The following CDH18 variants were observed in gnomAD, a reference collection of about 807,000 sequenced individuals.
CDH18 encodes cadherin 18.
In CDH18, 31 loss-of-function variants were observed where a neutral mutation model predicts 67.9. The observed-to-expected ratio is 0.46, with a 90% CI of 0.34 to 0.62. The LOEUF is 0.62. CDH18 is among the 20% of genes least tolerant of loss of function. The probability of loss-of-function intolerance (pLI) is 0.01; values close to 1 mark genes in which losing one functional copy is unlikely to be tolerated. For synonymous variants in CDH18, 362 were observed against 347.2 expected (o/e 1.04, Z -0.48); for missense variants, 890 against 975.5 (o/e 0.91, Z 1.17).
chr5:20,063,710 C>T (rs1239661603), intron 2 of CDH18, among the ~76,000 whole-genome samples: 1 of 152,156 alleles, frequency 6.6e-6, no homozygotes, highest in African/African-American at 2.4e-5. Flanking sequence ...AGGCCATACA[C>T]TAAACAAGAC....
chr5:19,606,612 T>TA (rs1210762253), intron 6 of CDH18, among the ~76,000 whole-genome samples: 1 of 151,838 alleles, frequency 6.6e-6, no homozygotes, highest in Non-Finnish European at 1.5e-5. Context: ...TAGGTTAATA[T>TA]AAAATATCCA....
intron 3 of CDH18, among the ~76,000 whole-genome samples, chr5:19,774,557 C>T (rs1561273404): frequency 6.6e-6 from 1 of 151,216 alleles, no homozygotes; most frequent in Non-Finnish European, 1.5e-5. Context: ...CGCAGTGGCT[C>T]ACGCCTGTAA....
intron 1 of CDH18, among the ~76,000 whole-genome samples, chr5:20,517,252 T>C (rs908870450): frequency 5.9e-5 from 9 of 151,660 alleles, no homozygotes; most frequent in Non-Finnish European, 1.0e-4. Flanking sequence ...GAAAATATAA[T>C]ACTTGAAAAA....
At chr5:19,808,489 GT>G in intron 3 of CDH18, among the ~76,000 whole-genome samples, 1 of 152,180 alleles carries the variant, frequency 6.6e-6, no homozygotes, top group East Asian at 1.9e-4. Flanking sequence ...TAATACCAAT[GT>G]TAAAAACAAT....
intron 8 of CDH18, among the ~76,000 whole-genome samples, chr5:19,546,933 A>T (rs1196721951): frequency 6.6e-6 from 1 of 152,206 alleles, no homozygotes; most frequent in Non-Finnish European, 1.5e-5. Context: ...AATTGAAAAA[A>T]GTTTAACATA....
chr5:20,145,324 A>C (rs1036656471), intron 2 of CDH18, among the ~76,000 whole-genome samples: 2 of 152,216 alleles, frequency 1.3e-5, no homozygotes, highest in African/African-American at 4.8e-5. Flanking sequence ...ATGTTGCAGA[A>C]TTGCAATTGA....
chr5:19,549,624 G>A (rs2934206), intron 8 of CDH18, among the ~76,000 whole-genome samples: 16,008 of 136,528 alleles, frequency 0.12, 1,284 homozygotes, highest in African/African-American at 0.23. Context: ...AAGAAAGAAG[G>A]AAGGAAGAAA....
intron 3 of CDH18, among the ~76,000 whole-genome samples, chr5:19,835,326 A>G (rs1439077956): frequency 6.6e-6 from 1 of 152,062 alleles, no homozygotes; most frequent in Non-Finnish European, 1.5e-5. Flanking sequence ...CATTGAGAAC[A>G]CATGGACACA....
At chr5:20,100,300 A>T (rs1746345094) in intron 2 of CDH18, among the ~76,000 whole-genome samples, 1 of 152,196 alleles carries the variant, frequency 6.6e-6, no homozygotes, top group South Asian at 2.1e-4. Context: ...TTATTTTCAG[A>T]ATTCCTCTTT....
intron 1 of CDH18, among the ~76,000 whole-genome samples, chr5:19,981,453 T>C (rs1289920566): frequency 1.3e-5 from 2 of 152,192 alleles, no homozygotes; most frequent in African/African-American, 4.8e-5. Flanking sequence ...AGTTCAGTTA[T>C]GAAGGCTAAG....
At chr5:20,399,613 ATTGAT>A (rs1248529898) in intron 1 of CDH18, among the ~76,000 whole-genome samples, 2 of 152,204 alleles carry the variant, frequency 1.3e-5, no homozygotes, top group Non-Finnish European at 2.9e-5. Context: ...AATGGAGTTA[ATTGAT>A]TTTAGAGATA....
At chr5:19,960,589 GTA>G (rs1418265326) in intron 2 of CDH18, among the ~76,000 whole-genome samples, 3,302 of 84,964 alleles carry the variant, frequency 0.039, 232 homozygotes, top group African/African-American at 0.15. Flanking sequence ...GTGTGTGTGT[GTA>G]TATATATATA....
chr5:19,868,549 T>G (rs1437218589), intron 2 of CDH18, among the ~76,000 whole-genome samples: 1 of 152,176 alleles, frequency 6.6e-6, no homozygotes, highest in African/African-American at 2.4e-5. Flanking sequence ...AAACAAATTA[T>G]AGTTTGACTC....
rs368113911 is a variant in CDH18 at position 20,119,290 on chromosome 5, C to T, written c.-517-127276G>A. Among the ~76,000 whole-genome samples the T allele has an allele frequency of 3.3e-5, 5 of 152,138 alleles. No individual in the cohort carries two copies. The South Asian group carries it at 6.2e-4, about 19-fold the overall frequency. ...AAAATATGGCTTTCTATTCCACTGACTCCTGTAATACCTAGATATCTTCTT... is the reference window on the plus strand; with the variant it reads ...AAAATATGGCTTTCTATTCCACTGATTCCTGTAATACCTAGATATCTTCTT... On this transcript the variant is annotated intron_variant, in intron 2 of 14. Transcript: ENST00000507958.
At chr5:20,141,779 G>A (rs182416271) in intron 2 of CDH18, among the ~76,000 whole-genome samples, 69 of 152,166 alleles carry the variant, frequency 4.5e-4, no homozygotes, top group Non-Finnish European at 9.1e-4. Context: ...TGAAATGTAG[G>A]CAGTGAATTG....
At chr5:20,299,954 A>C (rs1747836053) in intron 1 of CDH18, among the ~76,000 whole-genome samples, 2 of 151,968 alleles carry the variant, frequency 1.3e-5, no homozygotes, top group Admixed American at 1.3e-4. Context: ...GTGTTGTTCT[A>C]TAAATAGGAT....
At chr5:19,843,041 G>A (rs543854222) in intron 2 of CDH18, among the ~76,000 whole-genome samples, 33 of 152,162 alleles carry the variant, frequency 2.2e-4, no homozygotes, top group African/African-American at 2.9e-4. Context: ...CAGCCTGATC[G>A]TGTGATAGAA....
Position 20,172,226 on chromosome 5 carries a change from A to ATATATG in CDH18, c.-518+83217_-518+83218insCATATA, listed in dbSNP as rs1389653085. Among the ~76,000 whole-genome samples the ATATATG allele has an allele frequency of 2.0e-3, 213 of 105,764 alleles. 1 individual carries two copies. The highest frequency in any genetic ancestry group is 3.4e-3 in the East Asian group (12 of 3,580). 69.4% of individuals were successfully genotyped at this position (105,764 alleles called of 152,430 possible). A position where few individuals can be genotyped will look rare whatever the true frequency, so the allele number is the denominator to read the frequency against. ...TATATATATATATATATATATATGT[A>ATATATG]TATATATATATATGTATATATATAT... On this transcript the variant is annotated intron_variant, in intron 2 of 14. Transcript: ENST00000507958.
At chr5:20,448,459 A>T (rs1011335541) in intron 1 of CDH18, among the ~76,000 whole-genome samples, 9 of 152,190 alleles carry the variant, frequency 5.9e-5, no homozygotes, top group South Asian at 2.1e-4. Flanking sequence ...TTAATTTTTT[A>T]AAAAATGTAT....
Sources: gnomAD v4.1 joint callset for allele counts (sites outside exome capture counted in the v4.1 genomes callset) on GRCh38, gnomAD v4.1.1 for gene constraint, MANE v1.5 for transcripts, NCBI Gene and HGNC (gene_info 2026-07-23, HGNC 2026-07-21) for gene names.